The following CATSPERE variants were observed in gnomAD, a reference collection of about 807,000 sequenced individuals.
CATSPERE encodes catsper channel auxiliary subunit epsilon.
In CATSPERE, 93 loss-of-function variants were observed where a neutral mutation model predicts 114.1. The ratio of observed to expected loss-of-function variants is 0.81; its 90% CI spans 0.69 to 0.97. The LOEUF is 0.97. Among genes scored for constraint, CATSPERE ranks in the 50% least tolerant of loss-of-function variants. CATSPERE has a pLI of 0.00. For synonymous variants in CATSPERE, 341 were observed against 384.1 expected (o/e 0.89, Z 1.31); for missense variants, 1,058 against 1,131.6 (o/e 0.93, Z 0.93).
At chr1:244,457,186 C>G (rs764633778), upstream of CATSPERE, among the ~76,000 whole-genome samples, 1 of 152,134 alleles carries the variant, frequency 6.6e-6, no homozygotes, top group African/African-American at 2.4e-5. Context: ...ACATTAAAAT[C>G]GTACTGATGT....
chr1:244,544,144 G>A (rs1169833019), intron 8 of CATSPERE, among the ~76,000 whole-genome samples: 2 of 152,128 alleles, frequency 1.3e-5, no homozygotes, highest in Non-Finnish European at 2.9e-5. Flanking sequence ...TAAATAAAGA[G>A]GTGGCTGCAT....
Position 244,581,850 on chromosome 1 carries a change from A to G in CATSPERE, c.2005A>G (p.Thr669Ala). 1.5e-6 allele frequency: 2 copies of G among 1,291,734 alleles called. No homozygotes were observed. The highest frequency in any genetic ancestry group is 2.5e-5 in the East Asian group (1 of 39,974). The allele number at this position is 1,291,734 out of a possible 1,614,324, so 80.0% of individuals were successfully genotyped here. A position where few individuals can be genotyped will look rare whatever the true frequency, so the allele number is the denominator to read the frequency against. ...TGAGAGAATATCTGATTACTTTGAGACACAGTAAGTATAACTTTTAAAAGA... is the reference window on the plus strand; with the variant it reads ...TGAGAGAATATCTGATTACTTTGAGGCACAGTAAGTATAACTTTTAAAAGA... ...DYERISDYFETQDKHTGLVLV... is the reference protein window; with the variant it reads ...DYERISDYFEAQDKHTGLVLV... Residue 669 changes from threonine (T) to alanine (A), a missense_variant, in exon 12 of 22, where the codon ACA becomes GCA. Physicochemically the swap from Thr to Ala is moderately conservative, Grantham distance 58. Around this residue, in one of 2 missense-constraint regions of CATSPERE, gnomAD observed 787 missense variants for 905.6 expected, o/e 0.87. Transcript: ENST00000366534.
In CATSPERE at chr1:244,591,710, A is replaced by T; in HGVS notation, c.2168A>T (p.Asp723Val). The T allele has an allele frequency of 6.6e-7, 1 of 1,519,202 alleles. No homozygotes were observed. The highest frequency in any genetic ancestry group is 9.1e-7 in the Non-Finnish European group (1 of 1,101,246). 94.1% of individuals were successfully genotyped at this position (1,519,202 alleles called of 1,614,324 possible). The change falls in exon 15 of 22, where the codon GAT (aspartate) becomes GTT (valine). Residue 723 changes from aspartate to valine, a missense_variant. Asp to Val is a radical substitution (Grantham distance 152). Around this residue, in one of 2 missense-constraint regions of CATSPERE, gnomAD observed 787 missense variants for 905.6 expected, o/e 0.87. Transcript: ENST00000366534. ...AGTAAAAAAGGATGTCATCACCATG[A>T]TTTTTCATACGTGATTGAAAAGTAA... ...GFSKKGCHHH[D>V]FSYVIEKSYL...
intron 5 of CATSPERE, among the ~76,000 whole-genome samples, chr1:244,485,382 A>G (rs983710926): frequency 6.6e-6 from 1 of 151,942 alleles, no homozygotes; most frequent in African/African-American, 2.4e-5. Flanking sequence ...GGGTTTCATC[A>G]TGTTGGCCAA....
chr1:244,542,783 C>T (rs940071394), intron 8 of CATSPERE, among the ~76,000 whole-genome samples: 1 of 152,098 alleles, frequency 6.6e-6, no homozygotes, highest in Non-Finnish European at 1.5e-5. Context: ...CTTTGTAGAC[C>T]TCACCTAGCC....
intron 9 of CATSPERE, among the ~76,000 whole-genome samples, chr1:244,558,473 C>A (rs1572743770): frequency 6.6e-6 from 1 of 152,146 alleles, no homozygotes; most frequent in South Asian, 2.1e-4. Context: ...AATTCCTCAT[C>A]TCTTCACTAT....
intron 11 of CATSPERE, among the ~76,000 whole-genome samples, chr1:244,577,073 A>G (rs1250340968): frequency 3.3e-5 from 5 of 151,852 alleles, no homozygotes; most frequent in Non-Finnish European, 7.4e-5. Context: ...TAAGATAAAG[A>G]AAAAAAATAC....
At chr1:244,499,957 A>T (rs970868128) in intron 7 of CATSPERE, among the ~76,000 whole-genome samples, 1 of 152,156 alleles carries the variant, frequency 6.6e-6, no homozygotes, top group South Asian at 2.1e-4. Context: ...TTACACTCCC[A>T]CCAACAGTGT....
At chr1:244,480,660 G>A (rs1670129295) in intron 5 of CATSPERE, among the ~76,000 whole-genome samples, 1 of 56,068 alleles carries the variant, frequency 1.8e-5, no homozygotes, top group African/African-American at 5.6e-5. Flanking sequence ...TATTGTCCTG[G>A]TCCACGTAGT....
At chr1:244,469,267 T>G (rs963942577) in intron 2 of CATSPERE, among the ~76,000 whole-genome samples, 1 of 152,144 alleles carries the variant, frequency 6.6e-6, no homozygotes, top group Non-Finnish European at 1.5e-5. Flanking sequence ...AATTTAGACA[T>G]ACATAAAAGT....
At chr1:244,581,706 G>A in intron 11 of CATSPERE, 90 bp from the exon 12 acceptor site, 1 of 595,324 alleles carries the variant, frequency 1.7e-6, no homozygotes, top group Non-Finnish European at 3.1e-6. Context: ...CATTTTACAT[G>A]CCTAGATGTA....
At chr1:244,639,850 A>T (rs370971906) in intron 21 of CATSPERE, 78 bp from the exon 22 acceptor site, 74 of 1,348,732 alleles carry the variant, frequency 5.5e-5, no homozygotes, top group Non-Finnish European at 7.5e-5. Flanking sequence ...CTAGCTATTC[A>T]AAAAGTGTTT....
At chr1:244,632,393 C>CAAAA (rs35948602) in intron 20 of CATSPERE, among the ~76,000 whole-genome samples, 3,211 of 109,264 alleles carry the variant, frequency 0.029, 95 homozygotes, top group East Asian at 0.048. Context: ...GACTCCAACT[C>CAAAA]AAAAAAAAAA....
At chr1:244,526,919 A>G (rs1228595174) in intron 8 of CATSPERE, among the ~76,000 whole-genome samples, 2 of 152,148 alleles carry the variant, frequency 1.3e-5, no homozygotes, top group African/African-American at 4.8e-5. Context: ...CCACAAAACC[A>G]GCAGGTTTTT....
At chr1:244,590,124 A>G (rs1443382509) in intron 14 of CATSPERE, among the ~76,000 whole-genome samples, 1 of 152,210 alleles carries the variant, frequency 6.6e-6, no homozygotes, top group African/African-American at 2.4e-5. Flanking sequence ...TGGTGGTGAC[A>G]AGGGTTCTTT....
At chr1:244,638,805 T>G (rs1161976188) in intron 21 of CATSPERE, among the ~76,000 whole-genome samples, 1 of 152,202 alleles carries the variant, frequency 6.6e-6, no homozygotes, top group Non-Finnish European at 1.5e-5. Flanking sequence ...CCAAGATTGA[T>G]CCAATATAAC....
intron 17 of CATSPERE, among the ~76,000 whole-genome samples, chr1:244,605,462 T>C (rs544184613): frequency 6.6e-6 from 1 of 151,158 alleles, no homozygotes; most frequent in East Asian, 1.9e-4. Context: ...AAAGAACATC[T>C]GTTTATTTCA....
At chr1:244,597,471 C>T (rs1254563595) in intron 17 of CATSPERE, among the ~76,000 whole-genome samples, 1 of 151,630 alleles carries the variant, frequency 6.6e-6, no homozygotes, top group Admixed American at 6.6e-5. Flanking sequence ...ATAGCTCATT[C>T]TCCTATTCTT....
Position 244,575,933 on chromosome 1 carries a change from G to A in CATSPERE, c.1950+3161G>A, listed in dbSNP as rs535657481. Among the ~76,000 whole-genome samples, 10 of 152,040 alleles carry A rather than the reference G, an allele frequency of 6.6e-5. No individual in the cohort carries two copies. The highest frequency in any genetic ancestry group is 1.7e-4 in the African/African-American group (7 of 41,480). On this transcript the variant is annotated intron_variant, in intron 11 of 21. Transcript: ENST00000366534. This position sits in a 1 kb window ranked among gnomAD's most constrained non-coding sequence, Gnocchi z 4.5. ...AAGACACCCTAAGAAATACTTCACCGCCTCCCATGGCTTTTCTTTCCTTAG... is the reference window on the plus strand; with the variant it reads ...AAGACACCCTAAGAAATACTTCACCACCTCCCATGGCTTTTCTTTCCTTAG...
Sources: gnomAD v4.1 joint callset for allele counts (sites outside exome capture counted in the v4.1 genomes callset) on GRCh38, gnomAD v4.1.1 for gene constraint, gnomAD v4.1.1 regional missense constraint, Gnocchi (gnomAD v3.1) non-coding constraint, MANE v1.5 for transcripts, NCBI Gene and HGNC (gene_info 2026-07-23, HGNC 2026-07-21) for gene names.